GALNT13: variants seen among roughly 807,000 people sequenced by gnomAD.
The protein encoded by GALNT13 is UDP-GalNAc:polypeptide N-acetylgalactosaminyltransferase 13.
Under a neutral mutation model 64.2 loss-of-function variants are expected in GALNT13, and 28 were observed. That is an observed-to-expected ratio of 0.44 (90% confidence interval 0.32 to 0.60). The LOEUF is 0.60. Ranked by LOEUF, GALNT13 falls within the 20% of genes least tolerant of loss-of-function variation. The pLI is 0.05. For missense variants in GALNT13, 577 were observed against 669.8 expected (o/e 0.86, Z 1.53); for synonymous variants, 214 against 224.6 (o/e 0.95, Z 0.42).
At chr2:154,214,473 T>C (rs925789937) in intron 4 of GALNT13, among the ~76,000 whole-genome samples, 10 of 152,204 alleles carry the variant, frequency 6.6e-5, no homozygotes, top group African/African-American at 2.4e-4. Flanking sequence ...CCTATTGATA[T>C]GGTTTGGCTC....
chr2:153,806,174 T>C, the GALNT13 span, among the ~76,000 whole-genome samples: 205 of 152,152 alleles, frequency 1.3e-3, no homozygotes, highest in Admixed American at 2.6e-3. Flanking sequence ...CCAAGCTAAG[T>C]CTAAAACATC....
chr2:153,153,394 A>G, the GALNT13 span, among the ~76,000 whole-genome samples: 1 of 152,020 alleles, frequency 6.6e-6, no homozygotes, highest in Non-Finnish European at 1.5e-5. Context: ...GAAGTCTTTA[A>G]TTAGATCCCA....
the GALNT13 span, among the ~76,000 whole-genome samples, chr2:153,242,057 C>T: frequency 1.3e-5 from 2 of 152,174 alleles, no homozygotes; most frequent in South Asian, 4.2e-4. Context: ...TTTGGGGGCT[C>T]ATGTCATAGT....
At chr2:154,207,852 T>C (rs1687547411) in intron 4 of GALNT13, among the ~76,000 whole-genome samples, 1 of 152,174 alleles carries the variant, frequency 6.6e-6, no homozygotes, top group Admixed American at 6.5e-5. Flanking sequence ...TTTTCATATA[T>C]TCATTGCAAG....
the GALNT13 span, among the ~76,000 whole-genome samples, chr2:153,690,494 G>T: frequency 6.6e-6 from 1 of 152,174 alleles, no homozygotes; most frequent in South Asian, 2.1e-4. Context: ...GTAATTTGCT[G>T]GGTACGACCT....
chr2:153,134,953 A>T, the GALNT13 span, among the ~76,000 whole-genome samples: 6 of 152,170 alleles, frequency 3.9e-5, no homozygotes, highest in African/African-American at 9.6e-5. Flanking sequence ...TGACAGAAAG[A>T]AGAGGAATTA....
At chr2:153,341,344 A>G in the GALNT13 span, among the ~76,000 whole-genome samples, 1 of 152,216 alleles carries the variant, frequency 6.6e-6, no homozygotes, top group African/African-American at 2.4e-5. Flanking sequence ...CCTTACTCAC[A>G]TCTCATAAGA....
Position 154,237,465 on chromosome 2 carries a change from G to A in GALNT13, c.312-4565G>A, listed in dbSNP as rs563543669. Reference sequence around the variant, plus strand: ...GTTCCTTGTTCATGTTGTTGTTCTTGTTTGTTTTGAATTGTTTCTGGAAAT... The same window carrying A: ...GTTCCTTGTTCATGTTGTTGTTCTTATTTGTTTTGAATTGTTTCTGGAAAT... On this transcript the variant is annotated intron_variant, in intron 4 of 12. Coordinates refer to ENST00000392825, the MANE Select transcript of GALNT13 (RefSeq NM_052917.4). 9.4e-5 allele frequency among the ~76,000 whole-genome samples: 14 copies of A among 148,752 alleles called. No homozygotes were observed. In the East Asian group the frequency reaches 2.8e-3, roughly 29 times the overall value.
the GALNT13 span, among the ~76,000 whole-genome samples, chr2:153,680,740 G>A: frequency 6.6e-6 from 1 of 151,988 alleles, no homozygotes; most frequent in South Asian, 2.1e-4. Flanking sequence ...CCCACATTCA[G>A]TATGTTCCTG....
At chr2:153,712,451 G>A in the GALNT13 span, among the ~76,000 whole-genome samples, 7 of 152,060 alleles carry the variant, frequency 4.6e-5, no homozygotes, top group Admixed American at 6.6e-5. Flanking sequence ...GGATAAGTTT[G>A]TCATCTGCAA....
At chr2:154,399,665 A>G (rs1236722046) in intron 10 of GALNT13, among the ~76,000 whole-genome samples, 1 of 152,140 alleles carries the variant, frequency 6.6e-6, no homozygotes, top group African/African-American at 2.4e-5. Flanking sequence ...TGCACCTCTT[A>G]ATACCACTAC....
intron 3 of GALNT13, among the ~76,000 whole-genome samples, chr2:154,087,189 T>C (rs1701572950): frequency 6.6e-6 from 1 of 152,046 alleles, no homozygotes; most frequent in Non-Finnish European, 1.5e-5. Context: ...TGTTTCATTT[T>C]CTTTTAGGAA....
At chr2:154,070,507 G>A (rs1225226308) in intron 3 of GALNT13, among the ~76,000 whole-genome samples, 3 of 151,828 alleles carry the variant, frequency 2.0e-5, no homozygotes, top group African/African-American at 7.3e-5. Flanking sequence ...GAACAGAAGA[G>A]ATCATGAAAA....
chr2:153,892,180 A>G (rs937178076), intron 1 of GALNT13, among the ~76,000 whole-genome samples: 37 of 152,054 alleles, frequency 2.4e-4, no homozygotes, highest in African/African-American at 8.9e-4. Context: ...GAGACATCAC[A>G]TTTCTCATTG....
At chr2:153,086,737 AT>A in the GALNT13 span, among the ~76,000 whole-genome samples, 1 of 151,170 alleles carries the variant, frequency 6.6e-6, no homozygotes, top group Non-Finnish European at 1.5e-5. Context: ...ATTTTATTTT[AT>A]TTTATTTTGC....
At chr2:153,507,969 C>A in the GALNT13 span, among the ~76,000 whole-genome samples, 1 of 152,138 alleles carries the variant, frequency 6.6e-6, no homozygotes, top group East Asian at 1.9e-4. Flanking sequence ...GAAGAAGCTA[C>A]TGGGCTCTGG....
At chr2:153,637,272 G>A in the GALNT13 span, among the ~76,000 whole-genome samples, 3 of 152,104 alleles carry the variant, frequency 2.0e-5, no homozygotes, top group Admixed American at 1.3e-4. Context: ...CATTTCAATT[G>A]AATTGAATAT....
chr2:153,834,753 A>T, the GALNT13 span, among the ~76,000 whole-genome samples: 30 of 152,236 alleles, frequency 2.0e-4, no homozygotes, highest in African/African-American at 6.0e-4. Flanking sequence ...ATTTGGAAAG[A>T]TAATGAGGCA....
intron 9 of GALNT13, among the ~76,000 whole-genome samples, chr2:154,309,882 A>C (rs1693938329): frequency 6.6e-6 from 1 of 152,124 alleles, no homozygotes; most frequent in African/African-American, 2.4e-5. Context: ...GACTTAACAC[A>C]AAGTCAAAAG....
Sources: gnomAD v4.1 joint callset for allele counts (sites outside exome capture counted in the v4.1 genomes callset) on GRCh38, gnomAD v4.1.1 for gene constraint, MANE v1.5 for transcripts, NCBI Gene and HGNC (gene_info 2026-07-23, HGNC 2026-07-21) for gene names.